NALF1: variants seen among roughly 807,000 people sequenced by gnomAD.
The protein encoded by NALF1 is family with sequence similarity 155 member A.
Under a neutral mutation model 48.4 loss-of-function variants are expected in NALF1, and 3 were observed. The observed-to-expected ratio is 0.06, with a 90% CI of 0.03 to 0.16. The LOEUF is 0.16. NALF1 is among the 10% of genes least tolerant of loss of function. The pLI is 1.00. For missense variants in NALF1, 526 were observed against 571.5 expected, an observed-to-expected ratio of 0.92 and a Z score of 0.81; for synonymous variants, 262 against 245.7, an observed-to-expected ratio of 1.07 and a Z score of -0.62.
intron 1 of NALF1, among the ~76,000 whole-genome samples, chr13:107,864,644 A>G (rs954532202): frequency 9.8e-5 from 15 of 152,336 alleles, no homozygotes; most frequent in African/African-American, 3.6e-4. Context: ...ATTAAGGCTT[A>G]TAGAGATACT....
intron 1 of NALF1, among the ~76,000 whole-genome samples, chr13:107,467,333 A>AGAGACTAAGGTTATTTCATTACTAT (rs1181623239): frequency 6.6e-6 from 1 of 152,214 alleles, no homozygotes; most frequent in Non-Finnish European, 1.5e-5. Flanking sequence ...TTCATTACTA[A>AGAGACTAAGGTTATTTCATTACTAT]GAGACTAAGG....
At chr13:107,697,057 A>T (rs1881717012) in intron 1 of NALF1, among the ~76,000 whole-genome samples, 1 of 152,164 alleles carries the variant, frequency 6.6e-6, no homozygotes, top group Admixed American at 6.6e-5. Flanking sequence ...AAGGCATAAA[A>T]AAAACAAAGA....
At chr13:107,815,011 G>T (rs1197018971) in intron 1 of NALF1, among the ~76,000 whole-genome samples, 2 of 152,164 alleles carry the variant, frequency 1.3e-5, no homozygotes, top group African/African-American at 4.8e-5. Flanking sequence ...ACTCCAAATG[G>T]ATCATAGACC....
At position 107,609,841 on chromosome 13, in the gene NALF1, A is replaced by T. The variant is rs1024848220; in HGVS notation, c.915+255841T>A. On this transcript the variant is annotated intron_variant, in intron 1 of 2. Coordinates refer to ENST00000375915, the MANE Select transcript of NALF1 (RefSeq NM_001080396.3). ...CATCACAGACAAATAATAATTACCA[A>T]AGATGCATCTATATTTACATGAATT... is the stretch of plus-strand genomic sequence containing the variant. 1.3e-5 allele frequency among the ~76,000 whole-genome samples: 2 copies of T among 152,324 alleles called. 1 individual carries two copies. The highest frequency in any genetic ancestry group is 4.1e-4 in the South Asian group (2 of 4,822).
At chr13:107,707,214 GC>G (rs1281604713) in intron 1 of NALF1, among the ~76,000 whole-genome samples, 3 of 151,656 alleles carry the variant, frequency 2.0e-5, no homozygotes, top group Non-Finnish European at 2.9e-5. Flanking sequence ...GAGCCACCGC[GC>G]CCGGCCAAGG....
chr13:107,705,419 T>C (rs1334815199), intron 1 of NALF1, among the ~76,000 whole-genome samples: 3 of 152,196 alleles, frequency 2.0e-5, no homozygotes, highest in African/African-American at 7.2e-5. Context: ...TGCACACAGA[T>C]GTATGCACTT....
At chr13:107,611,743 CA>C (rs941308293) in intron 1 of NALF1, among the ~76,000 whole-genome samples, 16 of 151,082 alleles carry the variant, frequency 1.1e-4, no homozygotes, top group African/African-American at 3.7e-4. Context: ...GAAAAAAAAG[CA>C]AGAGAGAGAT....
intron 1 of NALF1, among the ~76,000 whole-genome samples, chr13:107,268,234 C>A (rs9587330): frequency 6.6e-6 from 1 of 151,920 alleles, no homozygotes; most frequent in Admixed American, 6.6e-5. Flanking sequence ...ATGTTCTGGC[C>A]GCCTCGGCCT....
intron 1 of NALF1, among the ~76,000 whole-genome samples, chr13:107,481,811 G>A (rs557187462): frequency 6.6e-6 from 1 of 152,292 alleles, no homozygotes; most frequent in South Asian, 2.1e-4. Flanking sequence ...AAGTTTTTGA[G>A]AGGAGTCCTC....
intron 1 of NALF1, among the ~76,000 whole-genome samples, chr13:107,767,033 CAG>C (rs1377627649): frequency 6.6e-6 from 1 of 151,896 alleles, no homozygotes; most frequent in Admixed American, 6.6e-5. Flanking sequence ...ACGGGTAAGA[CAG>C]AGTCAGAGAG....
chr13:107,631,373 C>T (rs1449948423), intron 1 of NALF1, among the ~76,000 whole-genome samples: 1 of 152,066 alleles, frequency 6.6e-6, no homozygotes, highest in Non-Finnish European at 1.5e-5. Context: ...GAGGACCAGA[C>T]TCTGAGAATA....
chr13:107,220,779 TGGAGAAGAGAAGAGGACGG>T (rs1199074162), intron 1 of NALF1, among the ~76,000 whole-genome samples: 1 of 151,992 alleles, frequency 6.6e-6, no homozygotes, highest in African/African-American at 2.4e-5. Context: ...TGAGGGTTTC[TGGAGAAGAGAAGAGGACGG>T]CATGTGAGGG....
At chr13:107,659,027 T>C (rs1399036660) in intron 1 of NALF1, among the ~76,000 whole-genome samples, 1 of 151,800 alleles carries the variant, frequency 6.6e-6, no homozygotes, top group Non-Finnish European at 1.5e-5. Context: ...TGCACCATTA[T>C]TTCTCCTCTT....
intron 1 of NALF1, among the ~76,000 whole-genome samples, chr13:107,616,546 A>C (rs1879384737): frequency 6.6e-6 from 1 of 152,252 alleles, no homozygotes; most frequent in Non-Finnish European, 1.5e-5. Flanking sequence ...TTGAAACAGA[A>C]ACCAGGAAAG....
chr13:107,212,353 C>T (rs1358666425), intron 1 of NALF1, among the ~76,000 whole-genome samples: 1 of 152,204 alleles, frequency 6.6e-6, no homozygotes, highest in Non-Finnish European at 1.5e-5. Context: ...AATTAGAATT[C>T]TTATAGGTCT....
At chr13:107,574,866 A>C (rs1048249848) in intron 1 of NALF1, among the ~76,000 whole-genome samples, 38 of 152,214 alleles carry the variant, frequency 2.5e-4, no homozygotes, top group African/African-American at 8.9e-4. Flanking sequence ...GATTTGGAAA[A>C]GAAAGTATAT....
chr13:107,697,803 C>T (rs1881732568), intron 1 of NALF1, among the ~76,000 whole-genome samples: 1 of 152,102 alleles, frequency 6.6e-6, no homozygotes, highest in African/African-American at 2.4e-5. Context: ...CTGACTAACA[C>T]TTTGTACTTA....
intron 1 of NALF1, among the ~76,000 whole-genome samples, chr13:107,622,474 A>T (rs9559106): frequency 7.9e-5 from 3 of 37,780 alleles, no homozygotes; most frequent in African/African-American, 1.3e-4. Flanking sequence ...ACAACAACAA[A>T]AAAAAAAAAA....
chr13:107,460,002 G>A (rs1416693539), intron 1 of NALF1, among the ~76,000 whole-genome samples: 4 of 152,138 alleles, frequency 2.6e-5, no homozygotes, highest in Non-Finnish European at 4.4e-5. Flanking sequence ...TTGGCCTTCC[G>A]AAGTGCTGGG....
Sources: gnomAD v4.1 joint callset for allele counts (sites outside exome capture counted in the v4.1 genomes callset) on GRCh38, gnomAD v4.1.1 for gene constraint, MANE v1.5 for transcripts, NCBI Gene and HGNC (gene_info 2026-07-23, HGNC 2026-07-21) for gene names.